SLC25A48: variants seen among roughly 807,000 people sequenced by gnomAD.
The protein encoded by SLC25A48 is solute carrier family 25 member 48, also known as CTC-321K16.1.
SLC25A48 carries 29 observed loss-of-function variants against 32.2 expected under a neutral mutation model. The ratio of observed to expected loss-of-function variants is 0.90; its 90% CI spans 0.67 to 1.23. The LOEUF (loss-of-function observed/expected upper bound fraction) is 1.23. Among genes scored for constraint, SLC25A48 ranks in the 50% most tolerant of loss-of-function variants. SLC25A48 has a pLI of 0.00. For missense variants in SLC25A48, 399 were observed against 422.7 expected, an observed-to-expected ratio of 0.94 and a Z score of 0.49; for synonymous variants, 164 against 172.3, an observed-to-expected ratio of 0.95 and a Z score of 0.38.
chr5:135,738,607 C>T (rs1755432848), intron 3 of SLC25A48, among the ~76,000 whole-genome samples: 1 of 152,202 alleles, frequency 6.6e-6, no homozygotes, highest in South Asian at 2.1e-4. Flanking sequence ...GTTGCTTCTG[C>T]TCTCTAAGCC....
chr5:135,599,093 G>A (rs967479498), intron 1 of SLC25A48, among the ~76,000 whole-genome samples: 2 of 152,152 alleles, frequency 1.3e-5, no homozygotes, highest in African/African-American at 4.8e-5. Flanking sequence ...TCTTGGCCAA[G>A]AGTGTGACTC....
chr5:135,861,115 G>C (rs986826986), intron 4 of SLC25A48, among the ~76,000 whole-genome samples: 2 of 152,134 alleles, frequency 1.3e-5, no homozygotes, highest in Admixed American at 1.3e-4. Flanking sequence ...ACATTAATGT[G>C]TTTATTTTTC....
intron 3 of SLC25A48, among the ~76,000 whole-genome samples, chr5:135,768,141 C>T (rs1289122324): frequency 7.0e-6 from 1 of 143,054 alleles, no homozygotes; most frequent in African/African-American, 2.6e-5. Flanking sequence ...CTCCAAATAT[C>T]ACAGTGGGGT....
intron 4 of SLC25A48, among the ~76,000 whole-genome samples, chr5:135,855,848 C>G (rs1000517087): frequency 6.6e-6 from 1 of 152,260 alleles, no homozygotes; most frequent in Non-Finnish European, 1.5e-5. Flanking sequence ...CCACCTGTCT[C>G]CTGCCCTTAC....
intron 1 of SLC25A48, among the ~76,000 whole-genome samples, chr5:135,617,015 T>C (rs1752206309): frequency 6.6e-6 from 1 of 151,152 alleles, no homozygotes; most frequent in African/African-American, 2.5e-5. Context: ...TTTTTTGGAA[T>C]AGTTAGAGGA....
At chr5:135,725,887 A>G (rs6894683) in intron 3 of SLC25A48, among the ~76,000 whole-genome samples, 74 of 151,986 alleles carry the variant, frequency 4.9e-4, no homozygotes, top group African/African-American at 1.6e-3. Flanking sequence ...TTTTCAAAAA[A>G]AAAAACTCCA....
At chr5:135,601,715 C>G (rs1476735286) in intron 1 of SLC25A48, among the ~76,000 whole-genome samples, 1 of 152,194 alleles carries the variant, frequency 6.6e-6, no homozygotes, top group South Asian at 2.1e-4. Flanking sequence ...ACTTCTTGCC[C>G]TCTCTGATCT....
intron 4 of SLC25A48, among the ~76,000 whole-genome samples, chr5:135,815,849 T>A (rs931272377): frequency 1.7e-4 from 26 of 152,166 alleles, no homozygotes; most frequent in Non-Finnish European, 2.4e-4. Context: ...ATTTTTATTT[T>A]AAAAAAATCT....
intron 6 of SLC25A48, among the ~76,000 whole-genome samples, chr5:135,879,407 T>A (rs1680851234): frequency 1.3e-5 from 2 of 152,064 alleles, no homozygotes; most frequent in Admixed American, 1.3e-4. Context: ...TCTAGAGAGT[T>A]TGCCATTGGC....
intron 3 of SLC25A48, among the ~76,000 whole-genome samples, chr5:135,707,842 G>A (rs1039642341): frequency 6.6e-6 from 1 of 152,224 alleles, no homozygotes; most frequent in Non-Finnish European, 1.5e-5. Context: ...TAGCCAGGGA[G>A]CATGACTGTC....
At position 135,828,435 on chromosome 5, in the gene SLC25A48, G is replaced by A. The variant is rs188295012; in HGVS notation, c.-116-13981G>A. Among the ~76,000 whole-genome samples the A allele has an allele frequency of 2.2e-4, 33 of 152,344 alleles. No homozygotes were observed. In the East Asian group the frequency reaches 6.0e-3, roughly 28 times the overall value. ...ACAGTTATCACCCCCATCTTACAGAGGAGGATGTCCAGGTGCAGTGGATTA... is the reference window on the plus strand; with the variant it reads ...ACAGTTATCACCCCCATCTTACAGAAGAGGATGTCCAGGTGCAGTGGATTA... On this transcript the variant is annotated intron_variant, in intron 4 of 10. Coordinates refer to the SLC25A48 transcript ENST00000646290.
At chr5:135,744,741 T>A (rs2127003429) in intron 3 of SLC25A48, among the ~76,000 whole-genome samples, 1 of 152,166 alleles carries the variant, frequency 6.6e-6, no homozygotes, top group Admixed American at 6.5e-5. Flanking sequence ...CTCTTTGAAC[T>A]CCTTCAAGAT....
intron 1 of SLC25A48, among the ~76,000 whole-genome samples, chr5:135,611,438 A>G (rs1176928197): frequency 3.0e-5 from 4 of 133,764 alleles, no homozygotes; most frequent in Admixed American, 8.1e-5. Flanking sequence ...TGGAGCTTGC[A>G]GCGAGCTGAG....
intron 3 of SLC25A48, among the ~76,000 whole-genome samples, chr5:135,799,061 A>G (rs979271871): frequency 6.6e-6 from 1 of 151,802 alleles, no homozygotes; most frequent in East Asian, 1.9e-4. Context: ...TATTACTCCC[A>G]ATATCGCAAA....
Position 135,606,972 on chromosome 5 carries a change from T to G in SLC25A48, c.-848-22265T>G, listed in dbSNP as rs1751952224. On this transcript the variant is annotated intron_variant, in intron 1 of 10. Coordinates refer to the SLC25A48 transcript ENST00000646290. ...TTCTGTTCCCTGCATACTCCCCTTC[T>G]TTACCGTGTGTCCTGCCTTGACTGC... Among the ~76,000 whole-genome samples, 3 of 152,310 alleles carry G rather than the reference T, an allele frequency of 2.0e-5. No homozygotes were observed. In the South Asian group the frequency reaches 6.2e-4, roughly 32 times the overall value.
At chr5:135,709,293 G>C (rs1295203750) in intron 3 of SLC25A48, among the ~76,000 whole-genome samples, 4 of 152,212 alleles carry the variant, frequency 2.6e-5, no homozygotes, top group Admixed American at 1.3e-4. Context: ...CTAGCCTTGG[G>C]CTCTTGGGCC....
chr5:135,734,668 T>C (rs1176709609), intron 3 of SLC25A48, among the ~76,000 whole-genome samples: 2 of 151,460 alleles, frequency 1.3e-5, no homozygotes, highest in African/African-American at 4.9e-5. Flanking sequence ...ACAAAAAAAA[T>C]TAGCCGGGCG....
At chr5:135,717,323 C>T (rs983337889) in intron 3 of SLC25A48, among the ~76,000 whole-genome samples, 2 of 152,152 alleles carry the variant, frequency 1.3e-5, no homozygotes, top group Non-Finnish European at 2.9e-5. Flanking sequence ...TGTGAGAAAT[C>T]GCCACAGGCC....
At chr5:135,863,841 A>G (rs974368218) in intron 4 of SLC25A48, among the ~76,000 whole-genome samples, 2 of 152,132 alleles carry the variant, frequency 1.3e-5, no homozygotes, top group African/African-American at 4.8e-5. Flanking sequence ...GAAAAATGCT[A>G]AAGTTGGGGT....
Sources: allele counts gnomAD v4.1 joint callset (sites outside exome capture counted in the v4.1 genomes callset), GRCh38; gene constraint gnomAD v4.1.1; transcripts MANE v1.5; gene names NCBI Gene and HGNC (gene_info 2026-07-23, HGNC 2026-07-21).